Variants in STK38L observed in about 807,000 individuals in gnomAD.
STK38L encodes serine/threonine kinase 38 like, also known as serine/threonine-protein kinase 38-like.
In STK38L, 28 loss-of-function variants were observed where a neutral mutation model predicts 59.7. The ratio of observed to expected loss-of-function variants is 0.47; its 90% CI spans 0.35 to 0.64. The LOEUF is 0.64. STK38L is among the 30% of genes least tolerant of loss of function. The pLI is 0.01. For missense variants in STK38L, 314 were observed against 555.8 expected, an observed-to-expected ratio of 0.56 and a Z score of 4.37; for synonymous variants, 162 against 176.8, an observed-to-expected ratio of 0.92 and a Z score of 0.66.
At chr12:27,316,764 C>T (rs556168813) in intron 9 of STK38L, among the ~76,000 whole-genome samples, 1 of 152,252 alleles carries the variant, frequency 6.6e-6, no homozygotes, top group East Asian at 1.9e-4. Context: ...AATGAAAATA[C>T]CTCATGCTTA....
intron 1 of STK38L, among the ~76,000 whole-genome samples, chr12:27,274,306 T>TC (rs1413502503): frequency 6.6e-6 from 1 of 151,942 alleles, no homozygotes; most frequent in Admixed American, 6.6e-5. Context: ...AAAAAGGGTG[T>TC]CCTGTTGGAG....
intron 1 of STK38L, among the ~76,000 whole-genome samples, chr12:27,282,028 T>A (rs1045205771): frequency 3.3e-5 from 5 of 152,188 alleles, no homozygotes; most frequent in Non-Finnish European, 7.4e-5. Context: ...AGAGGGAGAC[T>A]GTCTCAAAAA....
intron 1 of STK38L, among the ~76,000 whole-genome samples, chr12:27,287,052 G>C (rs571383224): frequency 1.3e-5 from 2 of 150,858 alleles, no homozygotes; most frequent in Non-Finnish European, 2.9e-5. Flanking sequence ...CTATGTATGA[G>C]CTTACTTGAT....
intron 1 of STK38L, among the ~76,000 whole-genome samples, chr12:27,271,779 A>G (rs1312794462): frequency 6.6e-6 from 1 of 152,140 alleles, no homozygotes. Context: ...GTCTCACTGC[A>G]TCTTCCGCCT....
chr12:27,267,792 C>T lies in STK38L; in HGVS notation c.-12+23460C>T, dbSNP rs550906732. Among the ~76,000 whole-genome samples, 4 of 152,152 alleles carry T rather than the reference C, an allele frequency of 2.6e-5. No homozygotes were observed. In the East Asian group the frequency reaches 7.7e-4, roughly 29 times the overall value. ...TTTTTGTTAGAGTATGAAGTGGTATCTCTTTGGGGTTTTAATGTTTATTTC... is the reference window on the plus strand; with the variant it reads ...TTTTTGTTAGAGTATGAAGTGGTATTTCTTTGGGGTTTTAATGTTTATTTC... On this transcript the variant is annotated intron_variant, in intron 1 of 13. Transcript: ENST00000389032.
At chr12:27,250,734 C>T (rs1159429984) in intron 1 of STK38L, among the ~76,000 whole-genome samples, 1 of 152,086 alleles carries the variant, frequency 6.6e-6, no homozygotes, top group Non-Finnish European at 1.5e-5. Flanking sequence ...GGCGCGGTGA[C>T]TCACGCCTGT....
chr12:27,287,880 A>C (rs1943808651), intron 1 of STK38L, among the ~76,000 whole-genome samples: 1 of 152,048 alleles, frequency 6.6e-6, no homozygotes, highest in Admixed American at 6.6e-5. Context: ...TTTAAAATCA[A>C]GGTTTGGTTT....
intron 1 of STK38L, among the ~76,000 whole-genome samples, chr12:27,270,148 C>A (rs1180908935): frequency 6.6e-6 from 1 of 152,150 alleles, no homozygotes; most frequent in Non-Finnish European, 1.5e-5. Flanking sequence ...AAAGTTTAAT[C>A]TTAAGACTTT....
At chr12:27,271,291 T>C (rs1363954604) in intron 1 of STK38L, among the ~76,000 whole-genome samples, 3 of 152,212 alleles carry the variant, frequency 2.0e-5, no homozygotes, top group Non-Finnish European at 4.4e-5. Context: ...CACCTAAGAC[T>C]TTGTTTTTTA....
chr12:27,314,965 T>C (rs561974869), intron 7 of STK38L, 50 bp from the exon 8 acceptor site: 1 of 1,426,224 alleles, frequency 7.0e-7, no homozygotes, highest in Admixed American at 2.1e-5. Context: ...ATAACAAGGC[T>C]TTTTGTTTTC....
chr12:27,306,714 A>AACACACACACACAC (rs10553623), intron 3 of STK38L, among the ~76,000 whole-genome samples: 15,122 of 138,944 alleles, frequency 0.11, 956 homozygotes, highest in Middle Eastern at 0.15. Flanking sequence ...GAATTTTATA[A>AACACACACACACAC]ACACACACAC....
intron 1 of STK38L, among the ~76,000 whole-genome samples, chr12:27,260,112 CCAT>C (rs1367555028): frequency 6.6e-6 from 1 of 152,158 alleles, no homozygotes; most frequent in Non-Finnish European, 1.5e-5. Context: ...ACCACCACCA[CCAT>C]GTTTTTCTGA....
intron 1 of STK38L, among the ~76,000 whole-genome samples, chr12:27,291,723 T>C (rs768988013): frequency 3.9e-4 from 60 of 152,356 alleles, no homozygotes; most frequent in Non-Finnish European, 6.9e-4. Context: ...TGAGGACTTA[T>C]TGTAGCCTAG....
rs1944809385 is a variant in STK38L at position 27,325,050 on chromosome 12, A to G, written c.*2595A>G. On this transcript the variant is annotated 3_prime_UTR_variant, in exon 14 of 14. Coordinates refer to ENST00000389032, the MANE Select transcript of STK38L (RefSeq NM_015000.4). ...TCAGATTTATCAATTTCCTGATTTAATGTAGACTTTGACTTTTTTATTAAA... is the reference window on the plus strand; with the variant it reads ...TCAGATTTATCAATTTCCTGATTTAGTGTAGACTTTGACTTTTTTATTAAA... 6.6e-6 allele frequency: 1 copy of G among 152,118 alleles called. No homozygotes were observed. The highest frequency in any genetic ancestry group is 1.5e-5 in the Non-Finnish European group (1 of 67,966). The allele number at this position is 152,118 out of a possible 1,614,324, so 9.4% of individuals were successfully genotyped here. A position where few individuals can be genotyped will look rare whatever the true frequency, so the allele number is the denominator to read the frequency against.
intron 1 of STK38L, among the ~76,000 whole-genome samples, chr12:27,262,792 C>T (rs1398276343): frequency 1.5e-5 from 2 of 132,192 alleles, no homozygotes; most frequent in Admixed American, 8.8e-5. Context: ...TATATGTAGA[C>T]TCTGAGAATT....
At chr12:27,304,900 T>C (rs904746183) in intron 3 of STK38L, among the ~76,000 whole-genome samples, 1 of 151,870 alleles carries the variant, frequency 6.6e-6, no homozygotes, top group Non-Finnish European at 1.5e-5. Flanking sequence ...ATTTTTTTTT[T>C]GCTTCCACAA....
chr12:27,278,185 G>A (rs1425917429), intron 1 of STK38L, among the ~76,000 whole-genome samples: 1 of 152,214 alleles, frequency 6.6e-6, no homozygotes, highest in Non-Finnish European at 1.5e-5. Context: ...AAGGCTGTAA[G>A]TGTAGCCCAG....
intron 1 of STK38L, among the ~76,000 whole-genome samples, chr12:27,255,096 A>G (rs1343797722): frequency 6.6e-6 from 1 of 152,242 alleles, no homozygotes; most frequent in Non-Finnish European, 1.5e-5. Context: ...AATTATAAGC[A>G]CATTTCTGAA....
intron 3 of STK38L, among the ~76,000 whole-genome samples, chr12:27,303,462 G>A (rs12809993): frequency 0.078 from 11,913 of 152,158 alleles, 540 homozygotes; most frequent in South Asian, 0.12. Context: ...CCCCATGGGA[G>A]CCTTAAAATA....
Sources: gnomAD v4.1 joint callset for allele counts (sites outside exome capture counted in the v4.1 genomes callset) on GRCh38, gnomAD v4.1.1 for gene constraint, MANE v1.5 for transcripts, NCBI Gene and HGNC (gene_info 2026-07-23, HGNC 2026-07-21) for gene names.